The following ACHE variants were observed in gnomAD, a reference collection of about 807,000 sequenced individuals.
ACHE encodes acetylcholinesterase (Yt blood group).
Under a neutral mutation model 53.9 loss-of-function variants are expected in ACHE, and 19 were observed. The ratio of observed to expected loss-of-function variants is 0.35; its 90% CI spans 0.25 to 0.52. The LOEUF (loss-of-function observed/expected upper bound fraction) is 0.52, where lower values mean the gene tolerates loss of function less well. Among genes scored for constraint, ACHE ranks in the 20% least tolerant of loss-of-function variants. The pLI, the probability that ACHE is intolerant of heterozygous loss-of-function variation, is 0.95. For missense variants in ACHE, 605 were observed against 849.4 expected, an observed-to-expected ratio of 0.71 and a Z score of 3.58; for synonymous variants, 392 against 378.1, an observed-to-expected ratio of 1.04 and a Z score of -0.43.
chr7:100,890,481 AG>A (rs1251397040), intron 4 of ACHE, 146 bp from the exon 5 acceptor site: 4 of 1,454,802 alleles, frequency 2.7e-6, no homozygotes, highest in Non-Finnish European at 3.6e-6. Context: ...CGGTGGCAAG[AG>A]GATCAGGAGA....
rs1790740885 is a variant in ACHE at position 100,892,201 on chromosome 7, GC to G, written c.1553+132del. 2 of 1,147,060 alleles carry G rather than the reference GC, an allele frequency of 1.7e-6. No homozygotes were observed. The highest frequency in any genetic ancestry group is 2.3e-6 in the Non-Finnish European group (2 of 876,484). The allele number at this position is 1,147,060 out of a possible 1,614,324, so 71.1% of individuals were successfully genotyped here. ...CTCTCCCCTTTTATCTACTTTGTGA[GC>G]ATATCCCTCTCTGGCTGTTCTATCC... On this transcript the variant is annotated intron_variant, in intron 3 of 4. Transcript: ENST00000241069. The surrounding 1 kb of genome is among the most constrained non-coding windows in gnomAD (Gnocchi z 5.2).
intron 1 of ACHE, 45 bp from the exon 2 acceptor site, chr7:100,894,297 G>A (rs1410459397): frequency 7.4e-7 from 1 of 1,344,056 alleles, no homozygotes; most frequent in Non-Finnish European, 9.7e-7. Flanking sequence ...CGGTCGAGAA[G>A]CCAGGAGGGA....
At position 100,891,328 on chromosome 7, in the gene ACHE, C is replaced by T. The variant is rs1331844939; in HGVS notation, c.1564G>A (p.Glu522Lys). ...TGTGGGGCCTTGGGGTCTCGGGGCT[C>T]ATTGGGATCCCTGCGGAAGGAAGGG... ...ANFARTGDPN[E>K]PRDPKAPQWP... Residue 522 changes from glutamate to lysine, a missense_variant, in exon 4 of 5, where the codon GAG becomes AAG. Physicochemically the swap from Glu to Lys is moderately conservative, Grantham distance 56 (BLOSUM62 1). Transcript: ENST00000241069. 1.9e-5 allele frequency: 30 copies of T among 1,554,348 alleles called. No individual in the cohort carries two copies. The highest frequency in any genetic ancestry group is 2.3e-5 in the Non-Finnish European group (27 of 1,153,800).
Position 100,893,145 on chromosome 7 carries a change from G to A in ACHE, c.1068+20C>T, listed in dbSNP as rs181684117. 33 of 1,610,626 alleles carry A rather than the reference G, an allele frequency of 2.0e-5. No individual in the cohort carries two copies. The highest frequency in any genetic ancestry group is 2.5e-5 in the Non-Finnish European group (30 of 1,178,192). On this transcript the variant is annotated intron_variant, in intron 2 of 4. Coordinates refer to ENST00000241069, the MANE Select transcript of ACHE (RefSeq NM_000665.5). ...TGGGACCCAGAGGAGCCAGCTTCAC[G>A]CCAGCTAGCCACTAGTTACCTGCAG...
Position 100,890,144 on chromosome 7 carries a change from A to G in ACHE, c.*70T>C. 6.3e-7 allele frequency: 1 copy of G among 1,577,698 alleles called. No individual in the cohort carries two copies. The highest frequency in any genetic ancestry group is 8.7e-7 in the Non-Finnish European group (1 of 1,155,286). ...CTGGGGCTCGTCTGTGTTATAGCCC[A>G]GCCCTGAAATAAATAGTATATACAG... On this transcript the variant is annotated 3_prime_UTR_variant, in exon 5 of 5. Coordinates refer to ENST00000241069, the MANE Select transcript of ACHE (RefSeq NM_000665.5).
chr7:100,896,486 G>A (rs1408197443), upstream of ACHE: 2 of 184,756 alleles, frequency 1.1e-5, no homozygotes, highest in Non-Finnish European at 1.2e-5. Flanking sequence ...GGGATCGCTA[G>A]TGGAAATGAG....
At position 100,894,272 on chromosome 7, in the gene ACHE, G is replaced by T. The variant is rs995417855; in HGVS notation, c.-20-20C>A. Reference sequence around the variant, plus strand: ...CGGCGTCTGCTGGGAGAAAGAAAGGGAAAGGGTGAAGGGTCGGTCGAGAAG... The same window carrying T: ...CGGCGTCTGCTGGGAGAAAGAAAGGTAAAGGGTGAAGGGTCGGTCGAGAAG... On this transcript the variant is annotated intron_variant, in intron 1 of 4. Transcript: ENST00000241069. The T allele has an allele frequency of 2.8e-6, 4 of 1,413,386 alleles. No individual in the cohort carries two copies. In the South Asian group the frequency reaches 6.1e-5, roughly 22 times the overall value. The allele number at this position is 1,413,386 out of a possible 1,614,324, so 87.6% of individuals were successfully genotyped here.
chr7:100,890,610 G>A (rs1790615771), intron 4 of ACHE: 2 of 1,376,766 alleles, frequency 1.5e-6, no homozygotes, highest in African/African-American at 2.9e-5. Flanking sequence ...ACAGGAGGGG[G>A]AGGTTGGGGG....
Position 100,893,821 on chromosome 7 carries a change from G to A in ACHE, c.412C>T (p.Arg138Trp), listed in dbSNP as rs1418068100. Reference sequence around the variant, plus strand: ...AGGACAGGGGTGGGGGATGTAGGCCGGGGGTATGGTGTCCACACGTTGAGG... The same window carrying A: ...AGGACAGGGGTGGGGGATGTAGGCCAGGGGTATGGTGTCCACACGTTGAGG... ...LYLNVWTPYP[R>W]PTSPTPVLVW... is the part of the protein sequence containing the mutation. Residue 138 changes from arginine to tryptophan, a missense_variant, in exon 2 of 5, where the codon CGG becomes TGG. Physicochemically the swap from Arg to Trp is moderately radical, Grantham distance 101. Coordinates refer to ENST00000241069, the MANE Select transcript of ACHE (RefSeq NM_000665.5). 3 of 1,613,226 alleles carry A rather than the reference G, an allele frequency of 1.9e-6. No homozygotes were observed. Among genetic ancestry groups the A allele is most frequent in the Non-Finnish European group, 2.5e-6 (3 of 1,179,696 alleles).
In ACHE at chr7:100,894,258, G is replaced by T; in HGVS notation, c.-20-6C>A. ...GGCTGCAGGGCAGGCGGCGTCTGCTGGGAGAAAGAAAGGGAAAGGGTGAAG... is the reference window on the plus strand; with the variant it reads ...GGCTGCAGGGCAGGCGGCGTCTGCTTGGAGAAAGAAAGGGAAAGGGTGAAG... On this transcript the variant is annotated splice_polypyrimidine_tract_variant and splice_region_variant and intron_variant, in intron 1 of 4. Transcript: ENST00000241069. 1.4e-6 allele frequency: 2 copies of T among 1,420,258 alleles called. No individual in the cohort carries two copies. Among genetic ancestry groups the T allele is most frequent in the Non-Finnish European group, 9.2e-7 (1 of 1,090,628 alleles). The allele number at this position is 1,420,258 out of a possible 1,614,324, so 88.0% of individuals were successfully genotyped here.
At chr7:100,895,570 C>A (rs1790995286) in intron 1 of ACHE, among the ~76,000 whole-genome samples, 1 of 152,160 alleles carries the variant, frequency 6.6e-6, no homozygotes, top group South Asian at 2.1e-4. Context: ...CCGCGGGAAT[C>A]GGAGCGCAGA....
intron 1 of ACHE, among the ~76,000 whole-genome samples, chr7:100,895,433 G>A (rs1790986981): frequency 6.6e-6 from 1 of 152,162 alleles, no homozygotes; most frequent in Non-Finnish European, 1.5e-5. Context: ...CTGGCTTGTG[G>A]CCCTGGGGAT....
intron 3 of ACHE, 87 bp from the exon 4 acceptor site, chr7:100,891,425 G>T: frequency 7.3e-7 from 1 of 1,361,266 alleles, no homozygotes; most frequent in Non-Finnish European, 9.7e-7. Context: ...CTTCAGCTCA[G>T]CGGAGAGCCC....
At position 100,891,783 on chromosome 7, in the gene ACHE, CTTTTTTT is replaced by C. The variant is rs71902456; in HGVS notation, c.1554-452_1554-446del. Among the ~76,000 whole-genome samples the C allele has an allele frequency of 2.9e-3, 300 of 103,466 alleles. 2 individuals are homozygous for C. The highest frequency in any genetic ancestry group is 0.01 in the South Asian group (26 of 2,564). The allele number at this position is 103,466 out of a possible 152,430, so 67.9% of individuals were successfully genotyped here. Reference sequence around the variant, plus strand: ...CTCCAACTCCTTTGTCTTGGTCTCCCTTTTTTTTTTTTTTTTTTTTTTCCAGAGATAG... The same window carrying C: ...CTCCAACTCCTTTGTCTTGGTCTCCCTTTTTTTTTTTTTTTCCAGAGATAG... On this transcript the variant is annotated intron_variant, in intron 3 of 4. Coordinates refer to ENST00000241069, the MANE Select transcript of ACHE (RefSeq NM_000665.5).
In ACHE at chr7:100,894,142, C is replaced by T. The variant is rs1326154780; in HGVS notation, c.91G>A (p.Ala31Thr). ...LLWLLGGGVG[A>T]EGREDAELLV... is the part of the protein sequence containing the mutation. Reference sequence around the variant, plus strand: ...AGCTCTGCATCCTCCCGGCCCTCAGCCCCCACTCCTCCACCCAGGAGCCAG... The same window carrying T: ...AGCTCTGCATCCTCCCGGCCCTCAGTCCCCACTCCTCCACCCAGGAGCCAG... Residue 31 changes from alanine (A) to threonine (T), a missense_variant, in exon 2 of 5, where the codon GCT becomes ACT. Coordinates refer to ENST00000241069, the MANE Select transcript of ACHE (RefSeq NM_000665.5). The T allele has an allele frequency of 6.7e-7, 1 of 1,488,186 alleles. No homozygotes were observed. Among genetic ancestry groups the T allele is most frequent in the Non-Finnish European group, 8.9e-7 (1 of 1,124,428 alleles). The allele number at this position is 1,488,186 out of a possible 1,614,324, so 92.2% of individuals were successfully genotyped here. A position where few individuals can be genotyped will look rare whatever the true frequency, so the allele number is the denominator to read the frequency against.
chr7:100,893,829 G>C lies in ACHE; in HGVS notation c.404C>G (p.Pro135Arg), dbSNP rs1359240864. Reference sequence around the variant, plus strand: ...GGTGGGGGATGTAGGCCGGGGGTATGGTGTCCACACGTTGAGGTACAGGCA... The same window carrying C: ...GGTGGGGGATGTAGGCCGGGGGTATCGTGTCCACACGTTGAGGTACAGGCA... ...EDCLYLNVWT[P>R]YPRPTSPTPV... The change falls in exon 2 of 5, where the codon CCA (proline) becomes CGA (arginine). Residue 135 changes from proline (P) to arginine (R), a missense_variant. Pro to Arg is a moderately radical substitution (Grantham distance 103). Coordinates refer to ENST00000241069, the MANE Select transcript of ACHE (RefSeq NM_000665.5). 6.8e-6 allele frequency: 11 copies of C among 1,612,802 alleles called. No homozygotes were observed. Among genetic ancestry groups the C allele is most frequent in the Non-Finnish European group, 8.5e-6 (10 of 1,179,532 alleles).
chr7:100,890,122 G>A lies in ACHE; in HGVS notation c.*92C>T. ...GTGGGGTGGGGATGGGCAGAGTCTG[G>A]GGCTCGTCTGTGTTATAGCCCAGCC... On this transcript the variant is annotated 3_prime_UTR_variant, in exon 5 of 5. Coordinates refer to ENST00000241069, the MANE Select transcript of ACHE (RefSeq NM_000665.5). 1 of 1,508,076 alleles carries A rather than the reference G, an allele frequency of 6.6e-7. No homozygotes were observed. The highest frequency in any genetic ancestry group is 9.0e-7 in the Non-Finnish European group (1 of 1,113,970). 93.4% of individuals were successfully genotyped at this position (1,508,076 alleles called of 1,614,324 possible). A position where few individuals can be genotyped will look rare whatever the true frequency, so the allele number is the denominator to read the frequency against.
At chr7:100,894,941 T>G (rs1790955334) in intron 1 of ACHE, among the ~76,000 whole-genome samples, 1 of 151,968 alleles carries the variant, frequency 6.6e-6, no homozygotes, top group Non-Finnish European at 1.5e-5. Context: ...CGTCTGAAGC[T>G]GCCGTGCACG....
Position 100,890,229 on chromosome 7 carries a change from G to A in ACHE, c.1830C>T (p.Arg610=). 1 of 1,614,044 alleles carries A rather than the reference G, an allele frequency of 6.2e-7. No individual in the cohort carries two copies. Among genetic ancestry groups the A allele is most frequent in the East Asian group, 2.2e-5 (1 of 44,874 alleles). The change falls in exon 5 of 5, where the codon CGC becomes CGT. Residue 610 remains arginine, a synonymous_variant. Transcript: ENST00000241069. ...CCCGCCGGGGTCACAGGTCTGAGCA[G>A]CGATCCTGCTTGCTGTAGTGGTCGA... The part of the protein sequence containing the change: ...NQFDHYSKQD[R]CSDL
Sources: gnomAD v4.1 joint callset for allele counts (sites outside exome capture counted in the v4.1 genomes callset) on GRCh38, gnomAD v4.1.1 for gene constraint, Gnocchi (gnomAD v3.1) non-coding constraint, MANE v1.5 for transcripts, NCBI Gene and HGNC (gene_info 2026-07-23, HGNC 2026-07-21) for gene names.